Variants in GLRA3 observed in about 807,000 individuals in gnomAD.
GLRA3 encodes the protein glycine receptor alpha 3.
In GLRA3, 44 loss-of-function variants were observed where a neutral mutation model predicts 60.4. The observed-to-expected ratio is 0.73, with a 90% confidence interval of 0.57 to 0.94. GLRA3 has a LOEUF of 0.94. Among genes scored for constraint, GLRA3 ranks in the 40% least tolerant of loss-of-function variants. The pLI, the probability that GLRA3 is intolerant of heterozygous loss-of-function variation, is 0.00. For synonymous variants in GLRA3, 223 were observed against 192.9 expected (o/e 1.16, Z -1.29); for missense variants, 508 against 564.6 (o/e 0.90, Z 1.02).
rs1249904799 is a variant in GLRA3, at chr4:174,704,101, C to G, written c.574+11387G>C. ...CTTGAGATCAAGTGTTCGAGACCAACCTGGGCAACATGGCAAAACCCCATC... is the reference window on the plus strand; with the variant it reads ...CTTGAGATCAAGTGTTCGAGACCAAGCTGGGCAACATGGCAAAACCCCATC... On this transcript the variant is annotated intron_variant, in intron 5 of 9. Transcript: ENST00000274093. Among the ~76,000 whole-genome samples, 3 of 113,916 alleles carry G rather than the reference C, an allele frequency of 2.6e-5. 1 individual carries two copies. Among genetic ancestry groups the G allele is most frequent in the Non-Finnish European group, 6.0e-5 (3 of 49,692 alleles). 74.7% of individuals were successfully genotyped at this position (113,916 alleles called of 152,430 possible). A position where few individuals can be genotyped will look rare whatever the true frequency, so the allele number is the denominator to read the frequency against.
At chr4:174,745,331 G>A (rs930107217) in intron 3 of GLRA3, among the ~76,000 whole-genome samples, 6 of 152,112 alleles carry the variant, frequency 3.9e-5, no homozygotes, top group African/African-American at 1.4e-4. Context: ...AATGGTCTCC[G>A]TGACACTTTA....
At chr4:174,730,819 T>C (rs1004002107) in intron 3 of GLRA3, among the ~76,000 whole-genome samples, 1 of 152,156 alleles carries the variant, frequency 6.6e-6, no homozygotes, top group African/African-American at 2.4e-5. Flanking sequence ...AATATCTCTA[T>C]CTCTTAATAC....
At chr4:174,654,154 A>T (rs965153286) in intron 9 of GLRA3, among the ~76,000 whole-genome samples, 1 of 152,174 alleles carries the variant, frequency 6.6e-6, no homozygotes, top group Admixed American at 6.6e-5. Flanking sequence ...GAATGGAAAG[A>T]TTATTGAATA....
chr4:174,725,582 G>T (rs1736292713), intron 4 of GLRA3, among the ~76,000 whole-genome samples: 1 of 152,110 alleles, frequency 6.6e-6, no homozygotes, highest in Non-Finnish European at 1.5e-5. Flanking sequence ...TTAGGCTCAA[G>T]AGATCCTCCC....
chr4:174,720,618 A>C (rs1208059965), intron 4 of GLRA3, among the ~76,000 whole-genome samples: 1 of 152,142 alleles, frequency 6.6e-6, no homozygotes, highest in African/African-American at 2.4e-5. Context: ...CAAGACTGCA[A>C]AGCTCTAATC....
At chr4:174,702,898 C>G (rs1331003502) in intron 5 of GLRA3, among the ~76,000 whole-genome samples, 1 of 152,172 alleles carries the variant, frequency 6.6e-6, no homozygotes, top group Non-Finnish European at 1.5e-5. Context: ...AGTGAACCCT[C>G]ACATTTAATG....
intron 7 of GLRA3, among the ~76,000 whole-genome samples, chr4:174,671,226 T>A (rs991669686): frequency 6.6e-6 from 1 of 152,168 alleles, no homozygotes; most frequent in African/African-American, 2.4e-5. Context: ...ACATTTTCAG[T>A]AAATATTAAA....
intron 1 of GLRA3, among the ~76,000 whole-genome samples, chr4:174,804,364 GA>G (rs1739947699): frequency 6.6e-6 from 1 of 152,124 alleles, no homozygotes; most frequent in Non-Finnish European, 1.5e-5. Context: ...ACAAGTACCT[GA>G]TCATGTAGTG....
Position 174,778,337 on chromosome 4 carries a change from CTTTTCTTTTT to C in GLRA3, c.199+10469_199+10478del, listed in dbSNP as rs533210628. On this transcript the variant is annotated intron_variant, in intron 2 of 9. Transcript: ENST00000274093. ...CAAAATAAAAATAACTATTTCTTTT[CTTTTCTTTTT>C]TTTTCTTTTTTTGCTTTTACCATGT... 2.4e-4 allele frequency among the ~76,000 whole-genome samples: 36 copies of C among 152,054 alleles called. 1 individual carries two copies. In the East Asian group the frequency reaches 2.7e-3, roughly 11 times the overall value.
intron 9 of GLRA3, among the ~76,000 whole-genome samples, chr4:174,649,249 T>C (rs943539089): frequency 1.3e-5 from 2 of 151,954 alleles, no homozygotes; most frequent in Non-Finnish European, 2.9e-5. Context: ...GAAAGCAATA[T>C]AAAGAGTCAA....
chr4:174,696,644 T>G (rs549495320), intron 5 of GLRA3, among the ~76,000 whole-genome samples: 54 of 152,044 alleles, frequency 3.6e-4, no homozygotes, highest in African/African-American at 1.3e-3. Context: ...TCCATGAGAT[T>G]AGATAAAAAA....
chr4:174,659,258 C>T, intron 7 of GLRA3, 61 bp from the exon 8 acceptor site: 1 of 1,262,214 alleles, frequency 7.9e-7, no homozygotes. Flanking sequence ...CCTTTGAGAA[C>T]AAAACTGAGT....
chr4:174,781,991 A>T (rs1196790856), intron 2 of GLRA3, among the ~76,000 whole-genome samples: 3 of 150,804 alleles, frequency 2.0e-5, no homozygotes, highest in Non-Finnish European at 4.4e-5. Context: ...TTCTGATACC[A>T]AAGCCGGGCA....
intron 7 of GLRA3, among the ~76,000 whole-genome samples, chr4:174,668,756 G>A (rs1484490849): frequency 1.3e-5 from 2 of 152,094 alleles, no homozygotes; most frequent in Non-Finnish European, 2.9e-5. Context: ...ACTCTATAAG[G>A]TAAATTTCCA....
At chr4:174,795,780 T>A (rs1739541291) in intron 1 of GLRA3, among the ~76,000 whole-genome samples, 1 of 152,190 alleles carries the variant, frequency 6.6e-6, no homozygotes, top group Admixed American at 6.5e-5. Flanking sequence ...TTTAAAGTGT[T>A]CACAGTTCAG....
At chr4:174,674,081 C>T (rs533051222) in intron 7 of GLRA3, among the ~76,000 whole-genome samples, 1 of 152,146 alleles carries the variant, frequency 6.6e-6, no homozygotes, top group Non-Finnish European at 1.5e-5. Flanking sequence ...ACTACAATAG[C>T]TTGCTTGGTA....
intron 2 of GLRA3, among the ~76,000 whole-genome samples, chr4:174,787,735 G>T (rs188926144): frequency 3.3e-4 from 50 of 152,044 alleles, no homozygotes; most frequent in Admixed American, 3.3e-3. Flanking sequence ...TGTACTCAGT[G>T]CTTTCCTCCT....
rs1255495516 is a variant in GLRA3 at position 174,642,583 on chromosome 4, TG to T, written c.*1202del. 1.0e-6 allele frequency: 1 copy of T among 967,246 alleles called. No individual in the cohort carries two copies. The highest frequency in any genetic ancestry group is 6.2e-5 in the Admixed American group (1 of 16,218). The allele number at this position is 967,246 out of a possible 1,614,324, so 59.9% of individuals were successfully genotyped here. A position where few individuals can be genotyped will look rare whatever the true frequency, so the allele number is the denominator to read the frequency against. On this transcript the variant is annotated 3_prime_UTR_variant, in exon 10 of 10. Transcript: ENST00000274093. ...CTCTGTTTTTGTTGAAGTAATCCCA[TG>T]GGGTCATTGAAAAATTTTATGTAAA... is the stretch of plus-strand genomic sequence containing the variant.
intron 1 of GLRA3, among the ~76,000 whole-genome samples, chr4:174,828,229 G>T (rs761485168): frequency 1.6e-4 from 25 of 152,016 alleles, no homozygotes; most frequent in Admixed American, 1.6e-3. Context: ...CCTGAGCTAG[G>T]TCATTAGAAA....
Sources: gnomAD v4.1 joint callset for allele counts (sites outside exome capture counted in the v4.1 genomes callset) on GRCh38, gnomAD v4.1.1 for gene constraint, MANE v1.5 for transcripts, NCBI Gene and HGNC (gene_info 2026-07-23, HGNC 2026-07-21) for gene names.